The following FREM1 variants were observed in gnomAD, a reference collection of about 807,000 sequenced individuals.
The protein encoded by FREM1 is FRAS1 related extracellular matrix 1, also known as FRAS1-related extracellular matrix protein 1.
Under a neutral mutation model 210.1 loss-of-function variants are expected in FREM1, and 220 were observed. That is an observed-to-expected ratio of 1.05 (90% CI 0.94 to 1.17). The LOEUF (loss-of-function observed/expected upper bound fraction) is 1.17, where lower values mean the gene tolerates loss of function less well. FREM1 is among the 50% of genes most tolerant of loss of function. FREM1 has a pLI of 0.00. For synonymous variants in FREM1, 1,189 were observed against 980.2 expected (o/e 1.21, Z -3.98); for missense variants, 3,454 against 2,675.5 (o/e 1.29, Z -6.42).
chr9:14,845,900 T>C, intron 8 of FREM1, 60 bp downstream of exon 8: 1 of 1,572,486 alleles, frequency 6.4e-7, no homozygotes, highest in Non-Finnish European at 8.7e-7. Context: ...GTTAAATATA[T>C]CTACTTTTGA....
At chr9:14,885,277 C>G (rs1412636023) in intron 1 of FREM1, among the ~76,000 whole-genome samples, 2 of 152,102 alleles carry the variant, frequency 1.3e-5, no homozygotes, top group Non-Finnish European at 2.9e-5. Context: ...CACCATTTGA[C>G]TAAAGATGAC....
chr9:14,872,174 C>A lies in FREM1; in HGVS notation c.-267-2930G>T, dbSNP rs543469566. Among the ~76,000 whole-genome samples, 184 of 152,188 alleles carry A rather than the reference C, an allele frequency of 1.2e-3. 1 individual carries two copies. The highest frequency in any genetic ancestry group is 4.3e-3 in the African/African-American group (178 of 41,516). The stretch of plus-strand genomic sequence containing the variant: ...GGGCTCTTTTTTGGTTCCATATGAA[C>A]TTTAAAGTAGTTTTTTCCAATTCTG... On this transcript the variant is annotated intron_variant, in intron 1 of 36. Transcript: ENST00000380880.
chr9:14,746,531 T>A, intron 34 of FREM1, 63 bp from the exon 35 acceptor site: 1 of 1,282,810 alleles, frequency 7.8e-7, no homozygotes, highest in Non-Finnish European at 1.1e-6. Context: ...TGGTTCAGCA[T>A]AAGGAGTCCT....
At chr9:14,802,982 C>A (rs1817575559) in intron 19 of FREM1, among the ~76,000 whole-genome samples, 1 of 151,404 alleles carries the variant, frequency 6.6e-6, no homozygotes, top group Non-Finnish European at 1.5e-5. Context: ...TTCCTTCCTT[C>A]CTCTTTCCCT....
rs569081151 is a variant in FREM1 at position 14,776,307 on chromosome 9, T to C, written c.4443-104A>G. On this transcript the variant is annotated intron_variant, in intron 24 of 36. Coordinates refer to ENST00000380880, the MANE Select transcript of FREM1 (RefSeq NM_001379081.2). ...ACCTTTACTAAAGGGTATTGTCGTG[T>C]TGTGACTCAAATGAAAAATCAAGGG... 11 of 1,299,680 alleles carry C rather than the reference T, an allele frequency of 8.5e-6. No homozygotes were observed. The South Asian group carries it at 2.3e-4, about 27-fold the overall frequency. The allele number at this position is 1,299,680 out of a possible 1,614,324, so 80.5% of individuals were successfully genotyped here.
At chr9:14,816,732 C>G (rs1198866852) in intron 15 of FREM1, 46 bp downstream of exon 15, 1 of 1,023,180 alleles carries the variant, frequency 9.8e-7, no homozygotes, top group African/African-American at 1.6e-5. Context: ...TATGGCAGCA[C>G]AAAACAGACT....
Position 14,869,041 on chromosome 9 carries a change from T to A in FREM1, c.-64A>T, listed in dbSNP as rs1246694598. On this transcript the variant is annotated 5_prime_UTR_variant, in exon 2 of 37. Coordinates refer to ENST00000380880, the MANE Select transcript of FREM1 (RefSeq NM_001379081.2). ...TCCCTTTAACAAAGGAGGGCTTCTG[T>A]GCTTCCTCCTGGAGGGTCAGCTCAT... The A allele has an allele frequency of 8.6e-7, 1 of 1,158,348 alleles. No individual in the cohort carries two copies. The highest frequency in any genetic ancestry group is 1.2e-6 in the Non-Finnish European group (1 of 828,678). 71.8% of individuals were successfully genotyped at this position (1,158,348 alleles called of 1,614,324 possible).
Position 14,824,262 on chromosome 9 carries a change from C to G in FREM1, c.2079-147G>C. On this transcript the variant is annotated intron_variant, in intron 11 of 36. Transcript: ENST00000380880. ...TATTCTCTCTTTATGTTGGGAGATT[C>G]TAGCATTAAGTCCAGTTTCATCAAC... 6.7e-6 allele frequency: 4 copies of G among 598,658 alleles called. No individual in the cohort carries two copies. In the South Asian group the frequency reaches 8.8e-5, roughly 13 times the overall value. The allele number at this position is 598,658 out of a possible 1,614,324, so 37.1% of individuals were successfully genotyped here. A position where few individuals can be genotyped will look rare whatever the true frequency, so the allele number is the denominator to read the frequency against.
chr9:14,856,007 G>A (rs968786357), intron 5 of FREM1, among the ~76,000 whole-genome samples: 4 of 151,830 alleles, frequency 2.6e-5, no homozygotes, highest in African/African-American at 4.8e-5. Flanking sequence ...GTCACTTCTC[G>A]GGGCCACCAC....
At chr9:14,785,971 G>T (rs779604135) in intron 23 of FREM1, among the ~76,000 whole-genome samples, 2 of 152,080 alleles carry the variant, frequency 1.3e-5, no homozygotes, top group Non-Finnish European at 2.9e-5. Flanking sequence ...GTAGAAGTGG[G>T]TCACACATGG....
At chr9:14,831,309 T>G (rs554659212) in intron 10 of FREM1, among the ~76,000 whole-genome samples, 19 of 152,332 alleles carry the variant, frequency 1.2e-4, no homozygotes, top group African/African-American at 4.1e-4. Context: ...TGTGCAAAGA[T>G]TTTTACAGTC....
Position 14,836,385 on chromosome 9 carries a change from T to C in FREM1, c.1881+5062A>G, listed in dbSNP as rs757128166. 2.2e-4 allele frequency among the ~76,000 whole-genome samples: 34 copies of C among 152,214 alleles called. No individual in the cohort carries two copies. The highest frequency in any genetic ancestry group is 6.5e-4 in the Admixed American group (10 of 15,284). ...TTACTATCACTAAGTCTGCTAGGAT[T>C]TTTTATTGGATTTAGTGATGCACTT... is the stretch of plus-strand genomic sequence containing the variant. On this transcript the variant is annotated intron_variant, in intron 10 of 36. Transcript: ENST00000380880. This position sits in a 1 kb window ranked among gnomAD's most constrained non-coding sequence, Gnocchi z 4.9.
intron 2 of FREM1, among the ~76,000 whole-genome samples, chr9:14,865,736 A>T (rs924355323): frequency 6.6e-6 from 1 of 151,654 alleles, no homozygotes; most frequent in African/African-American, 2.4e-5. Flanking sequence ...CTAAAACTCC[A>T]TAAGGAACGA....
At chr9:14,846,333 G>T (rs1459742985) in intron 7 of FREM1, among the ~76,000 whole-genome samples, 1 of 152,094 alleles carries the variant, frequency 6.6e-6, no homozygotes, top group East Asian at 1.9e-4. Context: ...CACAGGGAGG[G>T]GAACATCACA....
intron 25 of FREM1, among the ~76,000 whole-genome samples, chr9:14,773,763 G>C (rs1036127375): frequency 6.6e-6 from 1 of 152,092 alleles, no homozygotes; most frequent in Non-Finnish European, 1.5e-5. Context: ...TTGGTGTTGG[G>C]AAAGACCTGA....
chr9:14,744,380 C>T (rs114940559), intron 35 of FREM1, among the ~76,000 whole-genome samples: 3,309 of 152,102 alleles, frequency 0.022, 104 homozygotes, highest in African/African-American at 0.074. Context: ...TACTTTAGAA[C>T]GTTACCTCGT....
chr9:14,751,343 T>C (rs1347840861), intron 29 of FREM1, among the ~76,000 whole-genome samples: 3 of 152,244 alleles, frequency 2.0e-5, no homozygotes, highest in Middle Eastern at 3.4e-3. Flanking sequence ...TTTTAAAAAG[T>C]CTTCTCTTAA....
intron 24 of FREM1, among the ~76,000 whole-genome samples, chr9:14,778,641 AAGGGAGGGAAGGGAGGGG>A (rs1207374828): frequency 1.0e-5 from 1 of 99,468 alleles, no homozygotes; most frequent in Non-Finnish European, 2.0e-5. Context: ...GAGGAAAGGA[AAGGGAGGGAAGGGAGGGG>A]AGGGAGGGGA....
intron 35 of FREM1, among the ~76,000 whole-genome samples, chr9:14,740,498 G>T (rs537940612): frequency 2.0e-5 from 3 of 152,028 alleles, no homozygotes; most frequent in Non-Finnish European, 4.4e-5. Flanking sequence ...TAAACAGTAG[G>T]TTTCAAACAT....
Sources: gnomAD v4.1 joint callset for allele counts (sites outside exome capture counted in the v4.1 genomes callset) on GRCh38, gnomAD v4.1.1 for gene constraint, Gnocchi (gnomAD v3.1) non-coding constraint, MANE v1.5 for transcripts, NCBI Gene and HGNC (gene_info 2026-07-23, HGNC 2026-07-21) for gene names.